Variants in ANPEP observed in about 807,000 individuals in gnomAD.
ANPEP encodes aminopeptidase N.
Under a neutral mutation model 114.6 loss-of-function variants are expected in ANPEP, and 70 were observed. That is an observed-to-expected ratio of 0.61 (90% CI 0.50 to 0.75). The LOEUF is 0.75. Among genes scored for constraint, ANPEP ranks in the 30% least tolerant of loss-of-function variants. The pLI is 0.00. For synonymous variants in ANPEP, 548 were observed against 522.3 expected (o/e 1.05, Z -0.67); for missense variants, 1,184 against 1,259.5 (o/e 0.94, Z 0.91).
At chr15:89,804,207 CG>C in intron 6 of ANPEP, 45 bp downstream of exon 6, 1 of 1,609,114 alleles carries the variant, frequency 6.2e-7, no homozygotes, top group Non-Finnish European at 8.5e-7. Context: ...CGTCTCCTCT[CG>C]GAGCCCCTGT....
chr15:89,813,369 C>T (rs1894849175), intron 1 of ANPEP, among the ~76,000 whole-genome samples: 3 of 152,304 alleles, frequency 2.0e-5, no homozygotes, highest in South Asian at 2.1e-4. Flanking sequence ...GTGTAAGGAG[C>T]GCCAGCGTGT....
intron 3 of ANPEP, 39 bp downstream of exon 3, chr15:89,805,282 T>C (rs748443508): frequency 3.8e-5 from 62 of 1,612,868 alleles, no homozygotes; most frequent in Non-Finnish European, 5.1e-5. Flanking sequence ...CCAGGGTGCC[T>C]GCCCCCTGGC....
intron 18 of ANPEP, 108 bp downstream of exon 18, chr15:89,792,052 A>T: frequency 7.5e-7 from 1 of 1,327,468 alleles, no homozygotes; most frequent in Non-Finnish European, 1.0e-6. Flanking sequence ...CTCCACCTCA[A>T]CAGGTCTGTG....
chr15:89,808,527 A>G (rs1490623579), intron 1 of ANPEP, among the ~76,000 whole-genome samples: 1 of 152,244 alleles, frequency 6.6e-6, no homozygotes, highest in Non-Finnish European at 1.5e-5. Context: ...CGAAGGATTG[A>G]GTAAATGAAT....
intron 20 of ANPEP, among the ~76,000 whole-genome samples, chr15:89,789,160 A>G (rs1288410333): frequency 6.6e-6 from 1 of 151,534 alleles, no homozygotes; most frequent in Non-Finnish European, 1.5e-5. Context: ...TTGTATTTTT[A>G]GTAGAGACAG....
chr15:89,798,862 C>G (rs1402880891), intron 14 of ANPEP, among the ~76,000 whole-genome samples: 2 of 152,192 alleles, frequency 1.3e-5, no homozygotes, highest in African/African-American at 2.4e-5. Flanking sequence ...TCGCTTGAAC[C>G]TGGGAGGTGG....
intron 15 of ANPEP, among the ~76,000 whole-genome samples, chr15:89,794,105 G>C (rs750483950): frequency 6.6e-6 from 1 of 152,238 alleles, no homozygotes; most frequent in Non-Finnish European, 1.5e-5. Context: ...GATGTACCAG[G>C]CTTGGCAGAG....
rs577817756 is a variant in ANPEP at position 89,807,762 on chromosome 15, CT to C, written c.-223-957del. Among the ~76,000 whole-genome samples the C allele has an allele frequency of 5.6e-4, 85 of 152,274 alleles. 1 individual carries two copies. The highest frequency in any genetic ancestry group is 1.7e-3 in the African/African-American group (69 of 41,558). ...AGCTCAACAATTGCCTCTTTCTATC[CT>C]TGGTAGAAATGAAGATATTACTTAC... On this transcript the variant is annotated intron_variant, in intron 1 of 20. Coordinates refer to ENST00000300060, the MANE Select transcript of ANPEP (RefSeq NM_001150.3).
rs1437557447 is a variant in ANPEP at position 89,798,396 on chromosome 15, G to A, written c.2010-674C>T. 2.6e-5 allele frequency among the ~76,000 whole-genome samples: 4 copies of A among 152,156 alleles called. No individual in the cohort carries two copies. In the South Asian group the frequency reaches 6.2e-4, roughly 24 times the overall value. On this transcript the variant is annotated intron_variant, in intron 14 of 20. Transcript: ENST00000300060. The stretch of plus-strand genomic sequence containing the variant: ...TCACACCTATAATCCCAGCTCTTTG[G>A]GATGGCAAGGCAGGTGGATCACCTG...
chr15:89,801,115 T>C lies in ANPEP; in HGVS notation c.1815A>G (p.Val605=). ...CATAAGGCAGGGCTGGATTACCTCTTACATCTATCAGCCAGTAGTCCTGCT... is the reference window on the plus strand; with the variant it reads ...CATAAGGCAGGGCTGGATTACCTCTCACATCTATCAGCCAGTAGTCCTGCT... ...RQQQDYWLID[V]RAQNDLFSTS... Residue 605 remains valine (V), a synonymous_variant, in exon 12 of 21, where the codon GTA becomes GTG. Transcript: ENST00000300060. 1 of 1,614,056 alleles carries C rather than the reference T, an allele frequency of 6.2e-7. No individual in the cohort carries two copies. The highest frequency in any genetic ancestry group is 8.5e-7 in the Non-Finnish European group (1 of 1,179,960).
rs116136953 is a variant in ANPEP, at chr15:89,801,046, G to C, written c.1819+65C>G. The C allele has an allele frequency of 1.3e-3, 1,873 of 1,455,402 alleles. 21 individuals carry two copies. In the African/African-American group the frequency reaches 0.023, roughly 18 times the overall value. 90.2% of individuals were successfully genotyped at this position (1,455,402 alleles called of 1,614,324 possible). On this transcript the variant is annotated intron_variant, in intron 12 of 20. Transcript: ENST00000300060. ...ATGGAATGGCCCATCACAGCCCTCAGAACATGGGCCAGGAGCTAGGAGTAT... is the reference window on the plus strand; with the variant it reads ...ATGGAATGGCCCATCACAGCCCTCACAACATGGGCCAGGAGCTAGGAGTAT...
chr15:89,790,901 G>A (rs920936294), intron 19 of ANPEP, 52 bp downstream of exon 19: 49 of 1,597,298 alleles, frequency 3.1e-5, no homozygotes, highest in African/African-American at 1.2e-4. Context: ...GCCACCCCCC[G>A]GGGCCCCAGC....
Position 89,806,667 on chromosome 15 carries a change from G to T in ANPEP, c.-84C>A. 6 of 1,455,746 alleles carry T rather than the reference G, an allele frequency of 4.1e-6. No homozygotes were observed. Among genetic ancestry groups the T allele is most frequent in the Non-Finnish European group, 4.5e-6 (5 of 1,104,552 alleles). The allele number at this position is 1,455,746 out of a possible 1,614,324, so 90.2% of individuals were successfully genotyped here. ...CAGGCCGGGCTTATATCCCCAAAGG[G>T]GAGGAGCCCCACAACAGGCAGACTG... On this transcript the variant is annotated 5_prime_UTR_variant, in exon 2 of 21. Coordinates refer to ENST00000300060, the MANE Select transcript of ANPEP (RefSeq NM_001150.3). This position sits in a 1 kb window ranked among gnomAD's most constrained non-coding sequence, Gnocchi z 5.7.
chr15:89,804,384 T>G lies in ANPEP; in HGVS notation c.1048A>C (p.Asn350His). 6.2e-7 allele frequency: 1 copy of G among 1,614,198 alleles called. No homozygotes were observed. The highest frequency in any genetic ancestry group is 8.5e-7 in the Non-Finnish European group (1 of 1,180,028). Reference protein sequence around the residue: ...KSDQIGLPDFNAGAMENWGLV... With the variant: ...KSDQIGLPDFHAGAMENWGLV... ...CCCCAGTTCTCCATGGCGCCGGCGT[T>G]GAAGTCTGGCAGGCCAATCTGGTCT... Residue 350 changes from asparagine to histidine, a missense_variant, in exon 6 of 21, where the codon AAC (asparagine) becomes CAC (histidine). Asn to His is a moderately conservative substitution (Grantham distance 68). Transcript: ENST00000300060.
intron 6 of ANPEP, 93 bp from the exon 7 acceptor site, chr15:89,804,095 G>A (rs1834732131): frequency 1.3e-6 from 2 of 1,547,584 alleles, no homozygotes; most frequent in African/African-American, 2.7e-5. Context: ...CATCTGCCAG[G>A]CACAGTGGGG....
At chr15:89,798,178 T>G (rs1489342067) in intron 14 of ANPEP, among the ~76,000 whole-genome samples, 3 of 152,244 alleles carry the variant, frequency 2.0e-5, no homozygotes, top group Non-Finnish European at 2.9e-5. Flanking sequence ...ACAAATGTCC[T>G]TGTCTGTGGG....
rs28380038 is a variant in ANPEP, at chr15:89,801,732, A to C, written c.1570-125T>G. ...CTTGTATGGGAGGCCTGGGAAGGGC[A>C]CTGGGCTGGGAGCCGGGAGCCAGGG... On this transcript the variant is annotated intron_variant, in intron 10 of 20. Transcript: ENST00000300060. 496 of 1,165,384 alleles carry C rather than the reference A, an allele frequency of 4.3e-4. 5 individuals are homozygous for C. In the African/African-American group the frequency reaches 6.6e-3, roughly 15 times the overall value. 72.2% of individuals were successfully genotyped at this position (1,165,384 alleles called of 1,614,324 possible).
intron 15 of ANPEP, 39 bp from the exon 16 acceptor site, chr15:89,793,165 G>A (rs1968665623): frequency 6.5e-7 from 1 of 1,546,272 alleles, no homozygotes; most frequent in Admixed American, 1.7e-5. Context: ...AAAGACTCAT[G>A]CCTGACCTGC....
intron 10 of ANPEP, 129 bp from the exon 11 acceptor site, chr15:89,801,736 G>A: frequency 1.8e-6 from 2 of 1,119,318 alleles, no homozygotes; most frequent in Admixed American, 2.5e-5. Context: ...AAGGGCACTG[G>A]GCTGGGAGCC....
Sources: allele counts gnomAD v4.1 joint callset (sites outside exome capture counted in the v4.1 genomes callset), GRCh38; gene constraint gnomAD v4.1.1; non-coding constraint Gnocchi (gnomAD v3.1); transcripts MANE v1.5; gene names NCBI Gene and HGNC (gene_info 2026-07-23, HGNC 2026-07-21).